Variants in HPCAL1 observed in about 807,000 individuals in gnomAD.
HPCAL1 encodes hippocalcin like 1.
A neutral mutation model predicts 17.1 loss-of-function variants in HPCAL1; 8 were observed. The observed-to-expected ratio is 0.47, with a 90% CI of 0.27 to 0.84. The LOEUF is 0.84. Ranked by LOEUF, HPCAL1 falls within the 40% of genes least tolerant of loss-of-function variation. HPCAL1 has a pLI of 0.13. For synonymous variants in HPCAL1, 112 were observed against 111.4 expected, an observed-to-expected ratio of 1.01 and a Z score of -0.03; for missense variants, 165 against 271.1, an observed-to-expected ratio of 0.61 and a Z score of 2.75.
intron 1 of HPCAL1, among the ~76,000 whole-genome samples, chr2:10,334,280 C>T (rs1435124313): frequency 6.6e-6 from 1 of 151,944 alleles, no homozygotes; most frequent in Middle Eastern, 3.2e-3. Flanking sequence ...GCCTGGAATT[C>T]AAGACCAGCC....
At chr2:10,413,615 C>T (rs1558529734) in intron 2 of HPCAL1, among the ~76,000 whole-genome samples, 1 of 152,238 alleles carries the variant, frequency 6.6e-6, no homozygotes, top group Non-Finnish European at 1.5e-5. Flanking sequence ...CCCCAGCAGA[C>T]CATGATGCAC....
chr2:10,348,450 A>G (rs1665608014), intron 1 of HPCAL1, among the ~76,000 whole-genome samples: 1 of 151,790 alleles, frequency 6.6e-6, no homozygotes, highest in Non-Finnish European at 1.5e-5. Flanking sequence ...CTCCATCTCA[A>G]AAAACAAAAA....
At chr2:10,361,678 T>C (rs910987038) in intron 1 of HPCAL1, among the ~76,000 whole-genome samples, 5 of 152,192 alleles carry the variant, frequency 3.3e-5, no homozygotes, top group Admixed American at 3.3e-4. Context: ...TCTCGAAAGC[T>C]TGCCAGATGC....
intron 3 of HPCAL1, among the ~76,000 whole-genome samples, chr2:10,422,028 T>G (rs1158752082): frequency 1.3e-5 from 2 of 152,130 alleles, no homozygotes; most frequent in African/African-American, 4.8e-5. Flanking sequence ...TGCAAATAGG[T>G]GTGCCTGTCA....
At position 10,342,835 on chromosome 2, in the gene HPCAL1, C is replaced by G. The variant is rs1665181790; in HGVS notation, c.-111+39658C>G. ...CCTCTGAGGATTCTCTTCTTCTGTCCATCTCATGGCTGAAGACCAAGGCTA... is the reference window on the plus strand; with the variant it reads ...CCTCTGAGGATTCTCTTCTTCTGTCGATCTCATGGCTGAAGACCAAGGCTA... On this transcript the variant is annotated intron_variant, in intron 1 of 4. Coordinates refer to ENST00000307845, the MANE Select transcript of HPCAL1 (RefSeq NM_002149.4). This position sits in a 1 kb window ranked among gnomAD's most constrained non-coding sequence, Gnocchi z 4.1. 6.6e-6 allele frequency among the ~76,000 whole-genome samples: 1 copy of G among 152,194 alleles called. No individual in the cohort carries two copies. The highest frequency in any genetic ancestry group is 2.1e-4 in the South Asian group (1 of 4,832).
At chr2:10,307,896 A>G (rs1049723599) in intron 1 of HPCAL1, among the ~76,000 whole-genome samples, 2 of 152,080 alleles carry the variant, frequency 1.3e-5, no homozygotes, top group African/African-American at 4.8e-5. Flanking sequence ...CCCCAACCCC[A>G]CCAAACCTTG....
At chr2:10,421,005 C>T (rs1671030877) in intron 3 of HPCAL1, among the ~76,000 whole-genome samples, 1 of 151,954 alleles carries the variant, frequency 6.6e-6, no homozygotes, top group Non-Finnish European at 1.5e-5. Flanking sequence ...AGTTGATCTG[C>T]CTTCAGCCTC....
rs574771466 is a variant in HPCAL1, at chr2:10,382,215, A to G, written c.-110-14620A>G. Among the ~76,000 whole-genome samples the G allele has an allele frequency of 2.6e-5, 4 of 152,330 alleles. No individual in the cohort carries two copies. The East Asian group carries it at 7.7e-4, about 29-fold the overall frequency. On this transcript the variant is annotated intron_variant, in intron 1 of 4. Coordinates refer to ENST00000307845, the MANE Select transcript of HPCAL1 (RefSeq NM_002149.4). ...TATGCCTATGGAGGATTGCAACTCTATGATATCCTAGGAAAGGCAAAGCGA... is the reference window on the plus strand; with the variant it reads ...TATGCCTATGGAGGATTGCAACTCTGTGATATCCTAGGAAAGGCAAAGCGA...
chr2:10,315,061 G>A (rs1663222068), intron 1 of HPCAL1, among the ~76,000 whole-genome samples: 1 of 152,170 alleles, frequency 6.6e-6, no homozygotes, highest in African/African-American at 2.4e-5. Flanking sequence ...GGAGGCCGAG[G>A]CGGGCGGATC....
At chr2:10,345,431 C>T (rs918243014) in intron 1 of HPCAL1, among the ~76,000 whole-genome samples, 1 of 151,168 alleles carries the variant, frequency 6.6e-6, no homozygotes, top group Non-Finnish European at 1.5e-5. Context: ...ATGTGACCTA[C>T]TGTGGTACTA....
At chr2:10,396,289 G>A (rs979256253) in intron 1 of HPCAL1, among the ~76,000 whole-genome samples, 4 of 152,226 alleles carry the variant, frequency 2.6e-5, no homozygotes, top group African/African-American at 7.2e-5. Flanking sequence ...CGGGTGATGA[G>A]GGGCCAACCC....
At chr2:10,413,473 C>G (rs753346874) in intron 2 of HPCAL1, among the ~76,000 whole-genome samples, 1 of 152,236 alleles carries the variant, frequency 6.6e-6, no homozygotes, top group African/African-American at 2.4e-5. Context: ...CCAGGCCCAG[C>G]TGGGTCACCT....
chr2:10,332,084 G>T (rs1207341392), intron 1 of HPCAL1, among the ~76,000 whole-genome samples: 1 of 152,038 alleles, frequency 6.6e-6, no homozygotes, highest in Non-Finnish European at 1.5e-5. Context: ...TGCTTCAGAG[G>T]GAGCGCTCCT....
rs570210191 is a variant in HPCAL1, at chr2:10,319,829, C to T, written c.-111+16652C>T. On this transcript the variant is annotated intron_variant, in intron 1 of 4. Transcript: ENST00000307845. ...GTGATCCAAGCAGAAGGTCTGAAAT[C>T]CTCAGGGATTCGTTTCCCAGCCGAC... Among the ~76,000 whole-genome samples the T allele has an allele frequency of 4.6e-5, 7 of 152,074 alleles. No homozygotes were observed. In the East Asian group the frequency reaches 1.2e-3, roughly 25 times the overall value.
chr2:10,321,436 GTGT>G (rs1040224789), intron 1 of HPCAL1, among the ~76,000 whole-genome samples: 24 of 151,882 alleles, frequency 1.6e-4, no homozygotes, highest in South Asian at 8.3e-4. Context: ...TCAGGGGAAA[GTGT>G]TGTTGTTGTT....
chr2:10,339,058 CACAG>C (rs1312854684), intron 1 of HPCAL1, among the ~76,000 whole-genome samples: 5 of 152,234 alleles, frequency 3.3e-5, no homozygotes, highest in Admixed American at 6.5e-5. Flanking sequence ...GGAGTGAGGG[CACAG>C]ACAGACACAC....
chr2:10,399,082 TAC>T, intron 2 of HPCAL1, among the ~76,000 whole-genome samples: 1 of 151,764 alleles, frequency 6.6e-6, no homozygotes, highest in Non-Finnish European at 1.5e-5. Flanking sequence ...CTGAGGCTGA[TAC>T]CCGTGTCAAG....
At position 10,359,285 on chromosome 2, in the gene HPCAL1, A is replaced by C. The variant is rs1200340147; in HGVS notation, c.-110-37550A>C. Among the ~76,000 whole-genome samples, 1 of 150,620 alleles carries C rather than the reference A, an allele frequency of 6.6e-6. No homozygotes were observed. The highest frequency in any genetic ancestry group is 2.5e-5 in the African/African-American group (1 of 40,772). ...GCTGCGGGCTGGCTCGGCGAGGGGG[A>C]GGTGGGCAGCTGGGGGCTCTCTGGA... is the stretch of plus-strand genomic sequence containing the variant. On this transcript the variant is annotated intron_variant, in intron 1 of 4. Transcript: ENST00000307845. This position sits in a 1 kb window ranked among gnomAD's most constrained non-coding sequence, Gnocchi z 4.1.
intron 4 of HPCAL1, chr2:10,423,983 C>A (rs906010629): frequency 6.5e-6 from 1 of 153,796 alleles, no homozygotes; most frequent in African/African-American, 2.4e-5. Context: ...GTCCCAGCTA[C>A]TCGGGAGGCT....
Sources: gnomAD v4.1 joint callset for allele counts (sites outside exome capture counted in the v4.1 genomes callset) on GRCh38, gnomAD v4.1.1 for gene constraint, Gnocchi (gnomAD v3.1) non-coding constraint, MANE v1.5 for transcripts, NCBI Gene and HGNC (gene_info 2026-07-23, HGNC 2026-07-21) for gene names.